Variants in ASIC2 observed in about 807,000 individuals in gnomAD.
ASIC2 encodes the protein acid-sensing ion channel 2.
In ASIC2, 25 loss-of-function variants were observed where a neutral mutation model predicts 57.3. The ratio of observed to expected loss-of-function variants is 0.44; its 90% CI spans 0.32 to 0.61. The LOEUF is 0.61. Ranked by LOEUF, ASIC2 falls within the 20% of genes least tolerant of loss-of-function variation. ASIC2 has a pLI of 0.06. For missense variants in ASIC2, 641 were observed against 738.1 expected, an observed-to-expected ratio of 0.87 and a Z score of 1.52; for synonymous variants, 319 against 307.5, an observed-to-expected ratio of 1.04 and a Z score of -0.39.
At chr17:33,458,232 G>A (rs1205420222) in intron 1 of ASIC2, among the ~76,000 whole-genome samples, 2 of 152,176 alleles carry the variant, frequency 1.3e-5, no homozygotes, top group Non-Finnish European at 2.9e-5. Context: ...AGGTGTGGTA[G>A]GAGGAGAGAG....
intron 1 of ASIC2, among the ~76,000 whole-genome samples, chr17:33,900,795 T>C (rs997172411): frequency 6.6e-6 from 1 of 152,182 alleles, no homozygotes; most frequent in Admixed American, 6.5e-5. Context: ...TCAACTGTCA[T>C]ATGAGCTGTG....
rs1471926074 is a variant in ASIC2, at chr17:33,013,883, C to G, written c.*82G>C. The G allele has an allele frequency of 8.0e-7, 1 of 1,253,812 alleles. No individual in the cohort carries two copies. Among genetic ancestry groups the G allele is most frequent in the African/African-American group, 1.5e-5 (1 of 66,990 alleles). 77.7% of individuals were successfully genotyped at this position (1,253,812 alleles called of 1,614,324 possible). On this transcript the variant is annotated 3_prime_UTR_variant, in exon 10 of 10. Transcript: ENST00000225823. ...TGCTTCTTTCCAGCACTGGGGCCAT[C>G]CCACCTGAGCTTGCTGTTCCTTGTC...
At chr17:33,693,116 T>C (rs1908425111) in intron 1 of ASIC2, among the ~76,000 whole-genome samples, 1 of 152,216 alleles carries the variant, frequency 6.6e-6, no homozygotes, top group African/African-American at 2.4e-5. Flanking sequence ...GTATACTAAA[T>C]TCTCTCATGT....
intron 1 of ASIC2, among the ~76,000 whole-genome samples, chr17:34,057,163 A>G (rs1262628924): frequency 1.4e-5 from 2 of 146,818 alleles, no homozygotes; most frequent in East Asian, 3.9e-4. Flanking sequence ...AGAGAGACAA[A>G]TAAGTCTATT....
At chr17:33,590,859 C>T (rs1904804457) in intron 1 of ASIC2, among the ~76,000 whole-genome samples, 1 of 152,212 alleles carries the variant, frequency 6.6e-6, no homozygotes, top group East Asian at 1.9e-4. Context: ...TAGTCTTCTC[C>T]CTCCAAGAGT....
At chr17:33,237,026 G>GC (rs1309225062) in intron 1 of ASIC2, among the ~76,000 whole-genome samples, 1 of 152,188 alleles carries the variant, frequency 6.6e-6, no homozygotes, top group Non-Finnish European at 1.5e-5. Context: ...TCACTGGCAT[G>GC]CCAAGGACAT....
intron 1 of ASIC2, chr17:34,006,838 T>A (rs906716514): frequency 6.6e-6 from 1 of 151,872 alleles, no homozygotes; most frequent in African/African-American, 2.4e-5. Flanking sequence ...TGTTGGTGGG[T>A]TTTTTTTCTT....
At chr17:33,797,751 G>T (rs147739677) in intron 1 of ASIC2, among the ~76,000 whole-genome samples, 1 of 152,322 alleles carries the variant, frequency 6.6e-6, no homozygotes, top group Non-Finnish European at 1.5e-5. Context: ...AAGGCTGTTT[G>T]GAGGACTGAA....
At position 33,922,226 on chromosome 17, in the gene ASIC2, C is replaced by A. The variant is rs2201033; in HGVS notation, c.555+233752G>T. Among the ~76,000 whole-genome samples, 33 of 152,242 alleles carry A rather than the reference C, an allele frequency of 2.2e-4. No individual in the cohort carries two copies. In the East Asian group the frequency reaches 6.0e-3, roughly 28 times the overall value. ...TGCTTGTTAGTGGTGGAGTCAGAGA[C>A]AAGTTCAATACATTCTCTGTCCCAT... On this transcript the variant is annotated intron_variant, in intron 1 of 9. Transcript: ENST00000359872.
intron 1 of ASIC2, among the ~76,000 whole-genome samples, chr17:33,881,109 C>A (rs1331731587): frequency 6.6e-6 from 1 of 152,164 alleles, no homozygotes; most frequent in African/African-American, 2.4e-5. Flanking sequence ...TAGGACGTAT[C>A]TCTAAATAAT....
chr17:33,024,339 C>T lies in ASIC2; in HGVS notation c.1196-325G>A, dbSNP rs184102162. 1.1e-4 allele frequency among the ~76,000 whole-genome samples: 17 copies of T among 152,284 alleles called. No homozygotes were observed. In the East Asian group the frequency reaches 3.1e-3, roughly 28 times the overall value. ...CTCCCAGCCTCAGTATTCTCATCCA[C>T]AGAGAATGATCCACCATCAAAGCAA... On this transcript the variant is annotated intron_variant, in intron 5 of 9. Transcript: ENST00000225823.
chr17:33,911,244 C>G (rs1003454665), intron 1 of ASIC2, among the ~76,000 whole-genome samples: 1 of 152,070 alleles, frequency 6.6e-6, no homozygotes, highest in Non-Finnish European at 1.5e-5. Flanking sequence ...TACAAATGAG[C>G]GTATCAGTTA....
At chr17:33,676,468 G>C (rs1023443989) in intron 1 of ASIC2, among the ~76,000 whole-genome samples, 6 of 152,210 alleles carry the variant, frequency 3.9e-5, no homozygotes, top group African/African-American at 1.4e-4. Flanking sequence ...ACAGGAATAA[G>C]AAGAAAGTGA....
chr17:33,753,758 G>C (rs554513432), intron 1 of ASIC2, among the ~76,000 whole-genome samples: 1 of 152,268 alleles, frequency 6.6e-6, no homozygotes, highest in African/African-American at 2.4e-5. Flanking sequence ...ATGGCTACTG[G>C]GATTGGCCAA....
chr17:33,720,067 A>G (rs897741607), intron 1 of ASIC2, among the ~76,000 whole-genome samples: 1 of 152,128 alleles, frequency 6.6e-6, no homozygotes, highest in Non-Finnish European at 1.5e-5. Flanking sequence ...AATATTTAGT[A>G]GAGATGAAGT....
At chr17:33,467,838 T>A (rs543209978) in intron 1 of ASIC2, among the ~76,000 whole-genome samples, 1 of 152,332 alleles carries the variant, frequency 6.6e-6, no homozygotes, top group African/African-American at 2.4e-5. Flanking sequence ...ATGTCTAAAA[T>A]GTAAAAGACC....
chr17:33,059,718 C>T lies in ASIC2; in HGVS notation c.987+29145G>A, dbSNP rs2092012872. ...TCAAATGGTATTTCTAGTTCTAGAT[C>T]CCTGAGGAATCACCACACTGTCTTC... is the stretch of plus-strand genomic sequence containing the variant. On this transcript the variant is annotated intron_variant, in intron 3 of 9. Coordinates refer to ENST00000225823, the MANE Select transcript of ASIC2 (RefSeq NM_183377.2). Among the ~76,000 whole-genome samples the T allele has an allele frequency of 2.6e-5, 4 of 152,194 alleles. No individual in the cohort carries two copies. The South Asian group carries it at 8.3e-4, about 32-fold the overall frequency.
chr17:33,874,775 C>T (rs1317854829), intron 1 of ASIC2, among the ~76,000 whole-genome samples: 4 of 152,232 alleles, frequency 2.6e-5, no homozygotes, highest in Non-Finnish European at 5.9e-5. Context: ...AGTTCTCCAT[C>T]ACTTTGTTCC....
chr17:33,874,836 G>A (rs1016512282), intron 1 of ASIC2, among the ~76,000 whole-genome samples: 4 of 152,202 alleles, frequency 2.6e-5, no homozygotes, highest in African/African-American at 7.2e-5. Flanking sequence ...ATCACCACAT[G>A]CTTTTTGAGT....
Sources: gnomAD v4.1 joint callset for allele counts (sites outside exome capture counted in the v4.1 genomes callset) on GRCh38, gnomAD v4.1.1 for gene constraint, MANE v1.5 for transcripts, NCBI Gene and HGNC (gene_info 2026-07-23, HGNC 2026-07-21) for gene names.